Variants in MMP26 observed in about 807,000 individuals in gnomAD.
The protein encoded by MMP26 is matrix metalloproteinase-26.
Under a neutral mutation model 31.0 loss-of-function variants are expected in MMP26, and 33 were observed. That is an observed-to-expected ratio of 1.06 (90% CI 0.81 to 1.42). MMP26 has a LOEUF of 1.42. Ranked by LOEUF, MMP26 falls within the 40% of genes most tolerant of loss-of-function variation. The pLI, the probability that MMP26 is intolerant of heterozygous loss-of-function variation, is 0.00. For missense variants in MMP26, 347 were observed against 316.1 expected, an observed-to-expected ratio of 1.10 and a Z score of -0.74; for synonymous variants, 122 against 114.9, an observed-to-expected ratio of 1.06 and a Z score of -0.40.
chr11:4,788,540 T>C (rs1297471536), intron 2 of MMP26, among the ~76,000 whole-genome samples: 1 of 152,044 alleles, frequency 6.6e-6, no homozygotes, highest in Non-Finnish European at 1.5e-5. Context: ...TAGATAACTG[T>C]ACAGAAAAAA....
intron 2 of MMP26, among the ~76,000 whole-genome samples, chr11:4,886,326 C>G (rs1285626474): frequency 6.6e-6 from 1 of 152,028 alleles, no homozygotes; most frequent in Admixed American, 6.6e-5. Flanking sequence ...CTTTATTGCT[C>G]TATATTCTTA....
intron 2 of MMP26, among the ~76,000 whole-genome samples, chr11:4,771,964 T>A (rs568603017): frequency 5.9e-5 from 9 of 152,200 alleles, no homozygotes; most frequent in Non-Finnish European, 1.0e-4. Flanking sequence ...CTATCTCCCT[T>A]CTTACCAGCT....
At chr11:4,911,050 A>C (rs967475699) in intron 2 of MMP26, among the ~76,000 whole-genome samples, 10 of 152,192 alleles carry the variant, frequency 6.6e-5, no homozygotes, top group Admixed American at 2.0e-4. Flanking sequence ...AGAGGTACTC[A>C]ATAGATATTG....
intron 2 of MMP26, chr11:4,909,556 G>C (rs1037113396): frequency 6.6e-6 from 1 of 152,144 alleles, no homozygotes; most frequent in Admixed American, 6.6e-5. Flanking sequence ...CTTAGACAAT[G>C]ATCCTTGGAA....
chr11:4,924,090 G>C, intron 2 of MMP26: 1 of 1,614,152 alleles, frequency 6.2e-7, no homozygotes, highest in East Asian at 2.2e-5. Flanking sequence ...AAAATGCCCA[G>C]CACAGTGGGC....
intron 2 of MMP26, chr11:4,804,586 G>T: frequency 1.3e-6 from 1 of 754,642 alleles, no homozygotes; most frequent in African/African-American, 1.7e-5. Flanking sequence ...GTTGTTTTTC[G>T]TACTTATGTC....
chr11:4,988,681 A>T (rs1020633780), intron 3 of MMP26, among the ~76,000 whole-genome samples: 2 of 152,222 alleles, frequency 1.3e-5, no homozygotes, highest in Admixed American at 1.3e-4. Flanking sequence ...AATTAATGGG[A>T]CCTTCACATT....
chr11:4,906,535 TAA>T (rs986276220), intron 2 of MMP26, among the ~76,000 whole-genome samples: 2 of 152,128 alleles, frequency 1.3e-5, no homozygotes, highest in East Asian at 1.9e-4. Context: ...CTCATAAGTA[TAA>T]GAGGTAAATT....
intron 2 of MMP26, among the ~76,000 whole-genome samples, chr11:4,854,422 G>C (rs951294345): frequency 2.0e-5 from 3 of 152,168 alleles, no homozygotes; most frequent in Non-Finnish European, 4.4e-5. Context: ...TGTATCCCAC[G>C]CCTGGCTCGG....
chr11:4,837,660 T>TA (rs1209156140), intron 2 of MMP26, among the ~76,000 whole-genome samples: 2 of 152,174 alleles, frequency 1.3e-5, no homozygotes, highest in African/African-American at 4.8e-5. Flanking sequence ...TAGATAATTC[T>TA]AACTTATTTT....
intron 2 of MMP26, among the ~76,000 whole-genome samples, chr11:4,928,892 A>G (rs1851308592): frequency 6.6e-6 from 1 of 152,170 alleles, no homozygotes; most frequent in African/African-American, 2.4e-5. Flanking sequence ...GAGAGCAGGC[A>G]GGGCCCTCAC....
At chr11:4,770,850 G>GAA (rs1028216505) in intron 2 of MMP26, among the ~76,000 whole-genome samples, 1 of 144,980 alleles carries the variant, frequency 6.9e-6, no homozygotes, top group South Asian at 2.2e-4. Context: ...TAAAAAAGAA[G>GAA]AAAAAAAAAA....
chr11:4,921,239 T>C (rs1851178945), intron 2 of MMP26, among the ~76,000 whole-genome samples: 1 of 152,214 alleles, frequency 6.6e-6, no homozygotes, highest in African/African-American at 2.4e-5. Flanking sequence ...ACAATTCAGA[T>C]GTAGTCCAAA....
At chr11:4,941,617 A>C (rs1359147529) in intron 2 of MMP26, among the ~76,000 whole-genome samples, 1 of 152,180 alleles carries the variant, frequency 6.6e-6, no homozygotes, top group African/African-American at 2.4e-5. Context: ...GGTGATTCTT[A>C]TGCTGGTCAT....
intron 2 of MMP26, among the ~76,000 whole-genome samples, chr11:4,916,251 C>G (rs767524642): frequency 6.6e-6 from 1 of 152,074 alleles, no homozygotes. Context: ...AAGGCCACAG[C>G]TGTTGTTGGG....
chr11:4,989,770 T>C lies in MMP26; in HGVS notation c.222T>C (p.His74=). The C allele has an allele frequency of 2.5e-6, 4 of 1,613,868 alleles. No individual in the cohort carries two copies. Among genetic ancestry groups the C allele is most frequent in the South Asian group, 1.1e-5 (1 of 91,086 alleles). The change falls in exon 4 of 8, where the codon CAT becomes CAC. Residue 74 remains histidine, a synonymous_variant. Coordinates refer to ENST00000380390, the MANE Select transcript of MMP26 (RefSeq NM_021801.5). The part of the protein sequence containing the change: ...NGTDLLDMQM[H]ALLHQPHCGV... ...CAGACCTACTTGACATGCAGATGCA[T>C]GCTCTGCTACACCAGCCCCACTGTG...
intron 2 of MMP26, among the ~76,000 whole-genome samples, chr11:4,780,745 G>A (rs1255062911): frequency 1.3e-5 from 2 of 151,726 alleles, no homozygotes; most frequent in Non-Finnish European, 2.9e-5. Flanking sequence ...ATATTTTTTT[G>A]CAAAGTACTG....
chr11:4,941,929 CA>C, intron 2 of MMP26, among the ~76,000 whole-genome samples: 1 of 150,384 alleles, frequency 6.6e-6, no homozygotes, highest in African/African-American at 2.4e-5. Flanking sequence ...ACTAAAAATA[CA>C]AAAAATTAGC....
At chr11:4,890,979 G>GAATAATAATAAT (rs71050436) in intron 2 of MMP26, among the ~76,000 whole-genome samples, 3,825 of 137,048 alleles carry the variant, frequency 0.028, 79 homozygotes, top group Middle Eastern at 0.052. Flanking sequence ...AATGAACTCA[G>GAATAATAATAAT]AATAATAATA....
Sources: gnomAD v4.1 joint callset for allele counts (sites outside exome capture counted in the v4.1 genomes callset) on GRCh38, gnomAD v4.1.1 for gene constraint, MANE v1.5 for transcripts, NCBI Gene and HGNC (gene_info 2026-07-23, HGNC 2026-07-21) for gene names.